NKAIN2: variants seen among roughly 807,000 people sequenced by gnomAD.
NKAIN2 encodes the protein sodium/potassium transporting ATPase interacting 2.
In NKAIN2, 14 loss-of-function variants were observed where a neutral mutation model predicts 32.6. The ratio of observed to expected loss-of-function variants is 0.43; its 90% confidence interval spans 0.28 to 0.67. NKAIN2 has a LOEUF of 0.67. NKAIN2 is among the 30% of genes least tolerant of loss of function. The pLI is 0.17. For synonymous variants in NKAIN2, 80 were observed against 87.2 expected (o/e 0.92, Z 0.46); for missense variants, 198 against 258.3 (o/e 0.77, Z 1.60).
chr6:124,183,430 T>TATACTCAATAC (rs540856653), intron 1 of NKAIN2, among the ~76,000 whole-genome samples: 97 of 152,192 alleles, frequency 6.4e-4, no homozygotes, highest in African/African-American at 2.2e-3. Flanking sequence ...AATTATTAGA[T>TATACTCAATAC]AGAGTATAGT....
At chr6:124,036,098 C>T (rs115797611) in intron 1 of NKAIN2, among the ~76,000 whole-genome samples, 1,772 of 152,142 alleles carry the variant, frequency 0.012, 29 homozygotes, top group African/African-American at 0.041. Context: ...CTCTGTTATG[C>T]CTCAACCCAC....
At chr6:123,897,194 C>A (rs188034774) in intron 1 of NKAIN2, among the ~76,000 whole-genome samples, 3 of 152,118 alleles carry the variant, frequency 2.0e-5, no homozygotes, top group Non-Finnish European at 4.4e-5. Flanking sequence ...GCTCTTAATT[C>A]TTCAGTGATC....
chr6:123,829,317 A>T (rs1490326051), intron 1 of NKAIN2: 1 of 152,102 alleles, frequency 6.6e-6, no homozygotes, highest in Non-Finnish European at 1.5e-5. Flanking sequence ...TAATTATCTA[A>T]TTGTCTATCT....
chr6:124,517,181 A>G (rs985427280), intron 3 of NKAIN2, among the ~76,000 whole-genome samples: 9 of 152,176 alleles, frequency 5.9e-5, no homozygotes, highest in African/African-American at 1.9e-4. Flanking sequence ...AGGTGATGCA[A>G]CTAAATTATT....
intron 3 of NKAIN2, among the ~76,000 whole-genome samples, chr6:124,476,397 CTGTGTGTGTGTGTGTGTGTGTG>C (rs56691516): frequency 7.2e-5 from 10 of 138,038 alleles, no homozygotes; most frequent in African/African-American, 2.1e-4. Context: ...ATGTATGTGA[CTGTGTGTGTGTGTGTGTGTGTG>C]TGTGTGTGTG....
intron 1 of NKAIN2, among the ~76,000 whole-genome samples, chr6:124,274,880 G>A (rs1020963860): frequency 1.3e-5 from 2 of 151,916 alleles, no homozygotes; most frequent in Admixed American, 6.6e-5. Context: ...AACTCTTTGC[G>A]ATTAGGCATA....
intron 3 of NKAIN2, among the ~76,000 whole-genome samples, chr6:124,381,934 AAAT>A (rs1435375539): frequency 6.6e-6 from 1 of 152,172 alleles, no homozygotes; most frequent in Non-Finnish European, 1.5e-5. Flanking sequence ...AAGGCAATGA[AAAT>A]AATATCTTCT....
At chr6:124,315,810 A>G (rs1186149569) in intron 2 of NKAIN2, among the ~76,000 whole-genome samples, 2 of 152,118 alleles carry the variant, frequency 1.3e-5, no homozygotes, top group Non-Finnish European at 2.9e-5. Flanking sequence ...AATGTGCAGG[A>G]TATATTATCA....
intron 4 of NKAIN2, among the ~76,000 whole-genome samples, chr6:124,750,327 C>T (rs1777648045): frequency 6.6e-6 from 1 of 151,920 alleles, no homozygotes; most frequent in African/African-American, 2.4e-5. Context: ...CTTGAGTCTT[C>T]CATAACTGTG....
intron 3 of NKAIN2, among the ~76,000 whole-genome samples, chr6:124,475,512 C>T (rs897241038): frequency 3.9e-5 from 6 of 152,030 alleles, no homozygotes; most frequent in African/African-American, 1.5e-4. Flanking sequence ...TTCCTTAGAA[C>T]ACATTTAAAT....
intron 3 of NKAIN2, among the ~76,000 whole-genome samples, chr6:124,504,827 T>G (rs1406478127): frequency 2.0e-5 from 3 of 152,224 alleles, no homozygotes; most frequent in African/African-American, 7.2e-5. Flanking sequence ...TGAGTCATTG[T>G]GGACATGTGA....
intron 1 of NKAIN2, among the ~76,000 whole-genome samples, chr6:124,020,628 T>C (rs1210322716): frequency 7.2e-6 from 1 of 139,326 alleles, no homozygotes; most frequent in East Asian, 1.9e-4. Context: ...CTGAAATATT[T>C]TAAAAACATA....
At chr6:124,769,561 A>G (rs1232869944) in intron 4 of NKAIN2, among the ~76,000 whole-genome samples, 1 of 152,148 alleles carries the variant, frequency 6.6e-6, no homozygotes, top group Non-Finnish European at 1.5e-5. Flanking sequence ...AAAGATTATA[A>G]AAAAACTCAG....
chr6:124,581,481 A>C (rs966741924), intron 3 of NKAIN2, among the ~76,000 whole-genome samples: 2 of 149,498 alleles, frequency 1.3e-5, no homozygotes, highest in African/African-American at 4.9e-5. Flanking sequence ...GAAACATTGG[A>C]CTTAATCTGA....
chr6:124,799,696 G>A (rs1780168472), intron 5 of NKAIN2, among the ~76,000 whole-genome samples: 1 of 152,178 alleles, frequency 6.6e-6, no homozygotes, highest in East Asian at 1.9e-4. Flanking sequence ...ATTTCTGGCA[G>A]GGTAAGTTGA....
intron 1 of NKAIN2, among the ~76,000 whole-genome samples, chr6:124,106,109 A>G (rs557857511): frequency 2.6e-4 from 40 of 152,326 alleles, no homozygotes; most frequent in African/African-American, 9.1e-4. Context: ...AGAACATGCT[A>G]TATAACCAAT....
intron 3 of NKAIN2, among the ~76,000 whole-genome samples, chr6:124,526,637 T>A (rs573464418): frequency 2.6e-5 from 4 of 152,276 alleles, no homozygotes; most frequent in African/African-American, 9.6e-5. Flanking sequence ...GAATCCATAA[T>A]TTTTGAGCCC....
At chr6:123,814,787 A>C (rs7759038) in intron 1 of NKAIN2, among the ~76,000 whole-genome samples, 43,618 of 152,040 alleles carry the variant, frequency 0.29, 8,994 homozygotes, top group East Asian at 0.58. Flanking sequence ...TTAATTTAAT[A>C]TTTCATAATG....
At chr6:124,768,521 A>C (rs1373909712) in intron 4 of NKAIN2, among the ~76,000 whole-genome samples, 1 of 152,170 alleles carries the variant, frequency 6.6e-6, no homozygotes, top group African/African-American at 2.4e-5. Context: ...CATTATCAGA[A>C]AAATAACGAA....
Sources: gnomAD v4.1 joint callset for allele counts (sites outside exome capture counted in the v4.1 genomes callset) on GRCh38, gnomAD v4.1.1 for gene constraint, MANE v1.5 for transcripts, NCBI Gene and HGNC (gene_info 2026-07-23, HGNC 2026-07-21) for gene names.